LY96: variants seen among roughly 807,000 people sequenced by gnomAD.
The protein encoded by LY96 is myeloid differentiation protein-2.
Under a neutral mutation model 18.9 loss-of-function variants are expected in LY96, and 18 were observed. The ratio of observed to expected loss-of-function variants is 0.95; its 90% CI spans 0.66 to 1.41. LY96 has a LOEUF of 1.41. LY96 is among the 40% of genes most tolerant of loss of function. The pLI is 0.00. For missense variants in LY96, 175 were observed against 182.4 expected (o/e 0.96, Z 0.23); for synonymous variants, 66 against 62.6 (o/e 1.06, Z -0.26).
the LY96 span, among the ~76,000 whole-genome samples, chr8:74,082,498 T>G: frequency 6.6e-6 from 1 of 152,176 alleles, no homozygotes; most frequent in African/African-American, 2.4e-5. Context: ...TTTAAACACT[T>G]TTCTGATTTT....
At chr8:74,010,880 GA>G (rs147765065) in intron 3 of LY96, among the ~76,000 whole-genome samples, 3,869 of 145,064 alleles carry the variant, frequency 0.027, 174 homozygotes, top group African/African-American at 0.09. Flanking sequence ...TTTCTCTTTG[GA>G]AAAAAAAAAT....
chr8:74,081,024 TTC>T, the LY96 span, among the ~76,000 whole-genome samples: 258 of 132,938 alleles, frequency 1.9e-3, no homozygotes, highest in African/African-American at 6.7e-3. Flanking sequence ...CTTTCTTTCT[TTC>T]TTTCTTTCTT....
chr8:74,081,087 C>CTCTCTCTTTCTTTCTTTCTT, the LY96 span, among the ~76,000 whole-genome samples: 12 of 93,024 alleles, frequency 1.3e-4, no homozygotes, highest in Admixed American at 8.7e-4. Flanking sequence ...TTCTCTTTCT[C>CTCTCTCTTTCTTTCTTTCTT]TCTTTCTTTC....
chr8:74,058,900 G>A, the LY96 span, among the ~76,000 whole-genome samples: 4 of 152,292 alleles, frequency 2.6e-5, no homozygotes, highest in African/African-American at 9.6e-5. Flanking sequence ...GCAAGCTGGA[G>A]ACCTAGGAAA....
At chr8:74,075,467 T>C in the LY96 span, among the ~76,000 whole-genome samples, 1 of 152,268 alleles carries the variant, frequency 6.6e-6, no homozygotes, top group South Asian at 2.1e-4. Flanking sequence ...GACAAGGTCT[T>C]GCTATATTGT....
chr8:74,046,713 G>T, the LY96 span, among the ~76,000 whole-genome samples: 1 of 152,120 alleles, frequency 6.6e-6, no homozygotes, highest in African/African-American at 2.4e-5. Flanking sequence ...CAAAGGCTAT[G>T]CTTAAATAAT....
intron 3 of LY96, among the ~76,000 whole-genome samples, chr8:74,018,837 G>A (rs1318545946): frequency 1.3e-5 from 2 of 152,116 alleles, no homozygotes; most frequent in East Asian, 1.9e-4. Flanking sequence ...GGTACATAAC[G>A]AAATGAAGGC....
chr8:73,998,635 A>G (rs1330261231), intron 1 of LY96, among the ~76,000 whole-genome samples: 1 of 152,120 alleles, frequency 6.6e-6, no homozygotes, highest in Non-Finnish European at 1.5e-5. Context: ...CTGAGCTATG[A>G]TTGTGCCACT....
chr8:74,005,779 C>G (rs1816396309), intron 2 of LY96, among the ~76,000 whole-genome samples: 1 of 152,218 alleles, frequency 6.6e-6, no homozygotes, highest in Non-Finnish European at 1.5e-5. Flanking sequence ...ACTTTTTCCT[C>G]TCCTACCAGT....
At chr8:74,051,819 A>G in the LY96 span, among the ~76,000 whole-genome samples, 9 of 152,196 alleles carry the variant, frequency 5.9e-5, no homozygotes, top group African/African-American at 2.2e-4. Context: ...TCCTAGCTCC[A>G]GAATTGGGAG....
At chr8:74,087,999 C>T in the LY96 span, among the ~76,000 whole-genome samples, 2 of 152,152 alleles carry the variant, frequency 1.3e-5, no homozygotes, top group Admixed American at 6.6e-5. Flanking sequence ...TCTTTATCCA[C>T]TAACCACCCA....
chr8:74,020,818 GA>G (rs1185403622), intron 3 of LY96, among the ~76,000 whole-genome samples: 2 of 152,172 alleles, frequency 1.3e-5, no homozygotes, highest in African/African-American at 4.8e-5. Flanking sequence ...AAGCAATGGG[GA>G]AAGGATTCCC....
the LY96 span, among the ~76,000 whole-genome samples, chr8:74,040,040 C>T: frequency 3.3e-5 from 5 of 152,298 alleles, no homozygotes; most frequent in Admixed American, 2.0e-4. Context: ...AGCCCTCAAG[C>T]GGCCCTTATG....
intron 1 of LY96, among the ~76,000 whole-genome samples, chr8:73,996,372 C>CATTCATTTCTTTCTTTCTTT (rs756373007): frequency 3.6e-5 from 4 of 111,006 alleles, no homozygotes; most frequent in East Asian, 3.2e-4. Context: ...TTCCTTCATT[C>CATTCATTTCTTTCTTTCTTT]CTTTCTTTCT....
the LY96 span, among the ~76,000 whole-genome samples, chr8:74,040,795 C>T: frequency 3.1e-4 from 46 of 150,252 alleles, no homozygotes; most frequent in Admixed American, 7.3e-4. Context: ...CTCTACCTCC[C>T]GGGTTCAAGC....
the LY96 span, among the ~76,000 whole-genome samples, chr8:74,092,258 G>A: frequency 6.6e-6 from 1 of 152,160 alleles, no homozygotes. Context: ...TTTTATCAGA[G>A]AAGCATAAGT....
At chr8:74,010,155 T>C (rs760359300) in intron 3 of LY96, 26 bp downstream of exon 3, 11 of 1,591,126 alleles carry the variant, frequency 6.9e-6, no homozygotes, top group Non-Finnish European at 8.6e-6. Flanking sequence ...ATATTACTTT[T>C]AGAATAGGAA....
At chr8:74,017,193 T>C (rs949601677) in intron 3 of LY96, among the ~76,000 whole-genome samples, 2 of 152,156 alleles carry the variant, frequency 1.3e-5, no homozygotes, top group Non-Finnish European at 2.9e-5. Context: ...ATAAACAGTG[T>C]AGAGAAGACC....
intron 3 of LY96, among the ~76,000 whole-genome samples, chr8:74,013,333 G>C (rs1464919642): frequency 6.6e-6 from 1 of 152,130 alleles, no homozygotes; most frequent in East Asian, 1.9e-4. Flanking sequence ...ATGTTAGCCA[G>C]GCTGGTCTCA....
Sources: allele counts gnomAD v4.1 joint callset (sites outside exome capture counted in the v4.1 genomes callset), GRCh38; gene constraint gnomAD v4.1.1; transcripts MANE v1.5; gene names NCBI Gene and HGNC (gene_info 2026-07-23, HGNC 2026-07-21).